Variants in KCNU1 observed in about 807,000 individuals in gnomAD.
The protein encoded by KCNU1 is potassium channel subfamily U member 1.
Under a neutral mutation model 126.8 loss-of-function variants are expected in KCNU1, and 93 were observed. The observed-to-expected ratio is 0.73, with a 90% CI of 0.62 to 0.87. The LOEUF is 0.87. Ranked by LOEUF, KCNU1 falls within the 40% of genes least tolerant of loss-of-function variation. The pLI is 0.00. For missense variants in KCNU1, 1,330 were observed against 1,367.1 expected, an observed-to-expected ratio of 0.97 and a Z score of 0.43; for synonymous variants, 523 against 494.2, an observed-to-expected ratio of 1.06 and a Z score of -0.77.
intron 19 of KCNU1, among the ~76,000 whole-genome samples, chr8:36,869,077 A>T (rs1806010084): frequency 6.6e-6 from 1 of 152,180 alleles, no homozygotes; most frequent in South Asian, 2.1e-4. Flanking sequence ...ACTGATTTTA[A>T]TTAGATATTA....
intron 2 of KCNU1, among the ~76,000 whole-genome samples, chr8:36,791,106 TAG>T (rs1322848110): frequency 6.6e-6 from 1 of 152,096 alleles, no homozygotes; most frequent in Non-Finnish European, 1.5e-5. Flanking sequence ...GCATGTCCTC[TAG>T]AGGTCTTCCT....
At chr8:36,787,705 AAT>A (rs1247796215) in intron 2 of KCNU1, among the ~76,000 whole-genome samples, 1 of 148,028 alleles carries the variant, frequency 6.8e-6, no homozygotes, top group Non-Finnish European at 1.5e-5. Flanking sequence ...TGTTGTTAAT[AAT>A]GTTATATTAT....
At chr8:36,890,977 C>A (rs530843958) in intron 19 of KCNU1, among the ~76,000 whole-genome samples, 6 of 151,668 alleles carry the variant, frequency 4.0e-5, no homozygotes, top group Non-Finnish European at 8.9e-5. Flanking sequence ...AAATGAAATA[C>A]ATATTTTATG....
chr8:36,862,074 GGTAA>G (rs1423977974), intron 18 of KCNU1, among the ~76,000 whole-genome samples: 1 of 152,028 alleles, frequency 6.6e-6, no homozygotes, highest in African/African-American at 2.4e-5. Flanking sequence ...GGGAACTCAT[GGTAA>G]GTCATGACAA....
intron 10 of KCNU1, among the ~76,000 whole-genome samples, chr8:36,830,602 G>A (rs374988967): frequency 6.6e-6 from 1 of 152,030 alleles, no homozygotes; most frequent in East Asian, 1.9e-4. Context: ...GAGATTATGG[G>A]TTGCTTTAAA....
chr8:36,884,830 G>A lies in KCNU1; in HGVS notation c.2009+20309G>A, dbSNP rs189516746. Among the ~76,000 whole-genome samples the A allele has an allele frequency of 3.3e-5, 5 of 152,254 alleles. No homozygotes were observed. In the East Asian group the frequency reaches 9.7e-4, roughly 29 times the overall value. On this transcript the variant is annotated intron_variant, in intron 19 of 26. Transcript: ENST00000399881. ...TTGATTCTGTGGCCTAGGAGAAGCA[G>A]TCTTAGTGAATAAGGAAAGCTGTGG... is the stretch of plus-strand genomic sequence containing the variant.
chr8:36,888,746 A>C (rs1806823839), intron 19 of KCNU1: 2 of 534,264 alleles, frequency 3.7e-6, no homozygotes, highest in Non-Finnish European at 7.7e-6. Flanking sequence ...AGCCTACAAG[A>C]AGTATATCAA....
chr8:36,893,180 C>T (rs1019869687), intron 19 of KCNU1, among the ~76,000 whole-genome samples: 13 of 149,482 alleles, frequency 8.7e-5, no homozygotes, highest in Non-Finnish European at 1.9e-4. Context: ...CGCCATGTTG[C>T]CCAGGTTAGT....
intron 24 of KCNU1, chr8:36,922,975 C>T (rs541358883): frequency 5.3e-5 from 25 of 475,770 alleles, no homozygotes; most frequent in South Asian, 3.6e-4. Context: ...CTGAAATCCT[C>T]CAAACAGCTC....
chr8:36,903,507 A>G (rs1807501174), intron 19 of KCNU1, among the ~76,000 whole-genome samples: 1 of 152,188 alleles, frequency 6.6e-6, no homozygotes, highest in African/African-American at 2.4e-5. Context: ...GGGGACAATA[A>G]CAGATACTTT....
At chr8:36,902,584 G>T (rs1807461176) in intron 19 of KCNU1, among the ~76,000 whole-genome samples, 1 of 152,142 alleles carries the variant, frequency 6.6e-6, no homozygotes, top group Admixed American at 6.6e-5. Flanking sequence ...CTGAAAGACA[G>T]TCACTACCAA....
intron 8 of KCNU1, among the ~76,000 whole-genome samples, chr8:36,814,960 C>T (rs1300942867): frequency 6.6e-6 from 1 of 152,130 alleles, no homozygotes; most frequent in African/African-American, 2.4e-5. Context: ...TGTCTCTTAA[C>T]CCTCCTCTGT....
At chr8:36,861,146 A>G (rs1273283222) in intron 18 of KCNU1, among the ~76,000 whole-genome samples, 1 of 152,218 alleles carries the variant, frequency 6.6e-6, no homozygotes, top group Admixed American at 6.5e-5. Context: ...TGGTTTCTGC[A>G]TACTTTCTTC....
rs112273068 is a variant in KCNU1, at chr8:36,834,724, G to A, written c.1213-62G>A. The A allele has an allele frequency of 1.5e-5, 16 of 1,046,748 alleles. No individual in the cohort carries two copies. In the African/African-American group the frequency reaches 1.9e-4, roughly 12 times the overall value. 64.8% of individuals were successfully genotyped at this position (1,046,748 alleles called of 1,614,324 possible). A position where few individuals can be genotyped will look rare whatever the true frequency, so the allele number is the denominator to read the frequency against. Reference sequence around the variant, plus strand: ...CAAAATTGTTAGAAAACCCGAAAGGGGAAGACCAGAGCATTTCCCATGTAA... The same window carrying A: ...CAAAATTGTTAGAAAACCCGAAAGGAGAAGACCAGAGCATTTCCCATGTAA... On this transcript the variant is annotated intron_variant, in intron 11 of 26. Coordinates refer to ENST00000399881, the MANE Select transcript of KCNU1 (RefSeq NM_001031836.3).
chr8:36,824,038 T>C (rs1378230799), intron 10 of KCNU1, among the ~76,000 whole-genome samples: 2 of 152,096 alleles, frequency 1.3e-5, no homozygotes, highest in African/African-American at 4.8e-5. Flanking sequence ...AATATCACCA[T>C]GTTGGCCGGG....
intron 10 of KCNU1, among the ~76,000 whole-genome samples, chr8:36,822,545 G>A (rs960934243): frequency 2.6e-5 from 4 of 152,096 alleles, no homozygotes; most frequent in African/African-American, 9.7e-5. Flanking sequence ...AAATGATACA[G>A]TATTACCATT....
chr8:36,910,253 A>G (rs1335250943), intron 21 of KCNU1, among the ~76,000 whole-genome samples: 3 of 152,244 alleles, frequency 2.0e-5, no homozygotes, highest in Non-Finnish European at 4.4e-5. Context: ...ACCTAATGTA[A>G]GGAATATTTT....
intron 16 of KCNU1, among the ~76,000 whole-genome samples, chr8:36,843,773 C>A (rs993183719): frequency 6.6e-6 from 1 of 152,164 alleles, no homozygotes; most frequent in Non-Finnish European, 1.5e-5. Flanking sequence ...TTGAAGAGAT[C>A]CTACGACTTG....
At chr8:36,921,546 G>A (rs184753901) in intron 23 of KCNU1, among the ~76,000 whole-genome samples, 84 of 151,936 alleles carry the variant, frequency 5.5e-4, no homozygotes, top group Non-Finnish European at 7.9e-4. Flanking sequence ...GGACATGGTG[G>A]TACATGCCTG....
Sources: gnomAD v4.1 joint callset for allele counts (sites outside exome capture counted in the v4.1 genomes callset) on GRCh38, gnomAD v4.1.1 for gene constraint, MANE v1.5 for transcripts, NCBI Gene and HGNC (gene_info 2026-07-23, HGNC 2026-07-21) for gene names.